Variants in HDAC6 observed in about 807,000 individuals in gnomAD.
HDAC6 encodes the protein histone deacetylase 6, also known as protein deacetylase HDAC6.
In HDAC6, 5 loss-of-function variants were observed where a neutral mutation model predicts 88.9. That is an observed-to-expected ratio of 0.06 (90% CI 0.03 to 0.12). The LOEUF (loss-of-function observed/expected upper bound fraction) is 0.12, where lower values mean the gene tolerates loss of function less well. Among genes scored for constraint, HDAC6 ranks in the 10% least tolerant of loss-of-function variants. The pLI, the probability that HDAC6 is intolerant of heterozygous loss-of-function variation, is 1.00. For missense variants in HDAC6, 706 were observed against 1,014.4 expected (o/e 0.70, Z 4.13); for synonymous variants, 378 against 398.0 (o/e 0.95, Z 0.60).
At chrX:48,809,325 T>A (rs1429067457) in intron 10 of HDAC6, among the ~76,000 whole-genome samples, 1 of 111,874 alleles carries the variant, frequency 8.9e-6, no homozygotes, top group Non-Finnish European at 1.9e-5. Context: ...GAGACATTAC[T>A]AAGTACATGT....
Position 48,805,498 on chromosome X carries a change from C to T in HDAC6, c.372C>T (p.Leu124=). Residue 124 remains leucine (L), a synonymous_variant, in exon 5 of 29, where the codon CTC becomes CTT. Coordinates refer to ENST00000334136, the MANE Select transcript of HDAC6 (RefSeq NM_006044.4). ...AGGAGCAACTGATCCAGGAGGGCCTCCTAGATCGCTGCGTGTCCTTTCAGG... is the reference window on the plus strand; with the variant it reads ...AGGAGCAACTGATCCAGGAGGGCCTTCTAGATCGCTGCGTGTCCTTTCAGG... ...AIKEQLIQEG[L]LDRCVSFQAR... is the part of the protein sequence containing the mutation. The T allele has an allele frequency of 1.7e-6, 2 of 1,209,845 alleles. No homozygotes were observed. The highest frequency in any genetic ancestry group is 2.2e-6 in the Non-Finnish European group (2 of 894,207).
chrX:48,802,216 G>C, intron 1 of HDAC6, 74 bp downstream of exon 1: 1 of 872,957 alleles, frequency 1.1e-6, no homozygotes, highest in South Asian at 2.9e-5. Flanking sequence ...GGTCGGGGCC[G>C]GGGCCGGCTG....
chrX:48,806,823 G>T (rs1436322697), intron 8 of HDAC6, 117 bp downstream of exon 8: 2 of 456,554 alleles, frequency 4.4e-6, no homozygotes, highest in Non-Finnish European at 7.1e-6. Context: ...GTAAAAAAGA[G>T]AATATAATTA....
At chrX:48,807,344 A>G (rs781875759) in intron 8 of HDAC6, among the ~76,000 whole-genome samples, 1 of 112,617 alleles carries the variant, frequency 8.9e-6, no homozygotes, top group South Asian at 3.6e-4. Flanking sequence ...GTTTTAAAAA[A>G]ATGCTACAGC....
intron 11 of HDAC6, 46 bp from the exon 12 acceptor site, chrX:48,814,629 C>T (rs1557026808): frequency 7.5e-6 from 9 of 1,203,483 alleles, no homozygotes; most frequent in Admixed American, 4.4e-5. Context: ...GTCAGCGGCT[C>T]GGGACAGGTG....
At chrX:48,806,525 C>A in intron 7 of HDAC6, 61 bp downstream of exon 7, 1 of 1,054,488 alleles carries the variant, frequency 9.5e-7, no homozygotes, top group Non-Finnish European at 1.3e-6. Context: ...CATCCCTATG[C>A]CCACCCCACC....
At position 48,816,373 on chromosome X, in the gene HDAC6, A is replaced by G. The variant is rs1489190674; in HGVS notation, c.1623-92A>G. On this transcript the variant is annotated intron_variant, in intron 18 of 28. Transcript: ENST00000334136. ...TCCTGGGGAGCTGCTGCAGGACTTG[A>G]GAGGGGCTGAAGTCCCTGTCTTAGG... 12 of 1,122,214 alleles carry G rather than the reference A, an allele frequency of 1.1e-5. No individual in the cohort carries two copies. In the African/African-American group the frequency reaches 2.2e-4, roughly 20 times the overall value. 92.5% of individuals were successfully genotyped at this position (1,122,214 alleles called of 1,213,427 possible). A position where few individuals can be genotyped will look rare whatever the true frequency, so the allele number is the denominator to read the frequency against.
chrX:48,813,028 C>T (rs1243560847), intron 10 of HDAC6, among the ~76,000 whole-genome samples: 1 of 111,943 alleles, frequency 8.9e-6, no homozygotes, highest in Non-Finnish European at 1.9e-5. Context: ...CTACCTCCAC[C>T]TCCCAAGTAG....
chrX:48,824,522 C>T, intron 28 of HDAC6, 22 bp from the exon 29 acceptor site: 1 of 1,192,055 alleles, frequency 8.4e-7, no homozygotes, highest in Non-Finnish European at 1.1e-6. Flanking sequence ...TCTCACCTGC[C>T]CTATTCTTGC....
Position 48,816,228 on chromosome X carries a change from A to G in HDAC6, c.1581A>G (p.Thr527=), listed in dbSNP as rs2062982710. 2 of 1,210,251 alleles carry G rather than the reference A, an allele frequency of 1.7e-6. No individual in the cohort carries two copies. Among genetic ancestry groups the G allele is most frequent in the South Asian group, 1.8e-5 (1 of 56,945 alleles). Residue 527 remains threonine (T), a synonymous_variant, in exon 18 of 29, where the codon ACA becomes ACG. Coordinates refer to ENST00000334136, the MANE Select transcript of HDAC6 (RefSeq NM_006044.4). ...TTGCCGGGCGCTGCCTCACCCTGAC[A>G]CCGCGCCCTGCCACAGAGGCTGAGC... ...LGLAGRCLTL[T]PRPATEAELL...
chrX:48,823,495 C>G lies in HDAC6; in HGVS notation c.3096C>G (p.Pro1032=). ...PLASSTDHQT[P]PTSPVQGTTP... is the part of the protein sequence containing the mutation. Reference sequence around the variant, plus strand: ...CCTCGAGCACAGACCACCAGACCCCCCCAACCTCACCTGTGCAGGGAACTA... The same window carrying G: ...CCTCGAGCACAGACCACCAGACCCCGCCAACCTCACCTGTGCAGGGAACTA... Residue 1032 remains proline (P), a synonymous_variant, in exon 25 of 29, where the codon CCC becomes CCG. Transcript: ENST00000334136. The G allele has an allele frequency of 1.7e-6, 2 of 1,210,577 alleles. No homozygotes were observed. The highest frequency in any genetic ancestry group is 2.2e-6 in the Non-Finnish European group (2 of 894,819).
Position 48,823,922 on chromosome X carries a change from G to A in HDAC6, c.3304G>A (p.Ala1102Thr), listed in dbSNP as rs1168878930. 2 of 1,207,106 alleles carry A rather than the reference G, an allele frequency of 1.7e-6. No homozygotes were observed. Among genetic ancestry groups the A allele is most frequent in the Admixed American group, 2.2e-5 (1 of 45,681 alleles). ...ACCTAGTTTCACCCACCCACTCCAG[G>A]CCATATTTTATGCTGTGACACCACT... ...MQGSRGLTDQ[A>T]IFYAVTPLPW... The change falls in exon 27 of 29, where the codon GCC (alanine) becomes ACC (threonine). Residue 1102 changes from alanine to threonine, a missense_variant and splice_region_variant. This residue lies in a region of HDAC6 where 112 missense variants were observed against 95.1 expected (regional missense o/e 1.18). Coordinates refer to ENST00000334136, the MANE Select transcript of HDAC6 (RefSeq NM_006044.4).
intron 8 of HDAC6, among the ~76,000 whole-genome samples, chrX:48,807,807 C>T (rs782161108): frequency 9.8e-5 from 11 of 112,297 alleles, no homozygotes; most frequent in Admixed American, 2.8e-4. Flanking sequence ...CCACCGCACC[C>T]GGCCTTTATC....
intron 4 of HDAC6, among the ~76,000 whole-genome samples, chrX:48,804,554 C>T (rs948354493): frequency 8.9e-6 from 1 of 112,340 alleles, no homozygotes; most frequent in African/African-American, 3.2e-5. Context: ...CAATTAATAT[C>T]TATATCCCTT....
chrX:48,819,972 G>C lies in HDAC6; in HGVS notation c.2188-134G>C, dbSNP rs781824701. On this transcript the variant is annotated intron_variant, in intron 22 of 28. Coordinates refer to ENST00000334136, the MANE Select transcript of HDAC6 (RefSeq NM_006044.4). ...TTGTGTCTCCTAGTCTCCAGGTTCTGTGTCTCCATCTCTCTGACTTGCATC... is the reference window on the plus strand; with the variant it reads ...TTGTGTCTCCTAGTCTCCAGGTTCTCTGTCTCCATCTCTCTGACTTGCATC... The C allele has an allele frequency of 4.9e-6, 3 of 618,151 alleles. No individual in the cohort carries two copies. In the East Asian group the frequency reaches 9.9e-5, roughly 20 times the overall value. 50.9% of individuals were successfully genotyped at this position (618,151 alleles called of 1,213,427 possible). A position where few individuals can be genotyped will look rare whatever the true frequency, so the allele number is the denominator to read the frequency against.
rs781786871 is a variant in HDAC6 at position 48,818,357 on chromosome X, G to A, written c.2132G>A (p.Gly711Asp). The part of the protein sequence containing the change: ...VNVAWNGPRM[G>D]DADYLAAWHR... ...GTGGCATGGAACGGGCCCCGCATGG[G>A]TGATGCTGACTACCTAGCTGCCTGG... Residue 711 changes from glycine to aspartate, a missense_variant, in exon 22 of 29, where the codon GGT (glycine) becomes GAT (aspartate). By Grantham distance (94) the Gly-to-Asp change is moderately conservative. Coordinates refer to ENST00000334136, the MANE Select transcript of HDAC6 (RefSeq NM_006044.4). The A allele has an allele frequency of 8.3e-7, 1 of 1,198,341 alleles. No homozygotes were observed. The highest frequency in any genetic ancestry group is 1.8e-5 in the South Asian group (1 of 54,269).
At chrX:48,817,878 C>T (rs1259349667) in intron 20 of HDAC6, 163 bp from the exon 21 acceptor site, 2 of 495,770 alleles carry the variant, frequency 4.0e-6, no homozygotes, top group African/African-American at 2.4e-5. Context: ...CTCAGGCCTA[C>T]CGGGCAGCCC....
chrX:48,802,056 G>C (rs782262355), upstream of HDAC6: 46 of 911,224 alleles, frequency 5.0e-5, no homozygotes, highest in East Asian at 8.1e-5. Context: ...GTCTGGGCAG[G>C]GGGTGGAGCT....
In HDAC6 at chrX:48,808,062, T is replaced by C. The variant is rs1557024914; in HGVS notation, c.662T>C (p.Leu221Pro). ...RPPGHHAQHS[L>P]MDGYCMFNHV... Reference sequence around the variant, plus strand: ...CCTGGACATCACGCCCAGCACAGTCTTATGGATGGCTATTGCATGTTCAAC... The same window carrying C: ...CCTGGACATCACGCCCAGCACAGTCCTATGGATGGCTATTGCATGTTCAAC... The change falls in exon 9 of 29, where the codon CTT becomes CCT. Residue 221 changes from leucine to proline, a missense_variant. Leu to Pro is a moderately conservative substitution (Grantham distance 98). Transcript: ENST00000334136. 1 of 1,207,793 alleles carries C rather than the reference T, an allele frequency of 8.3e-7. No homozygotes were observed. Among genetic ancestry groups the C allele is most frequent in the Non-Finnish European group, 1.1e-6 (1 of 893,129 alleles).
Sources: allele counts gnomAD v4.1 joint callset (sites outside exome capture counted in the v4.1 genomes callset), GRCh38; gene constraint gnomAD v4.1.1; regional missense constraint gnomAD v4.1.1; transcripts MANE v1.5; gene names NCBI Gene and HGNC (gene_info 2026-07-23, HGNC 2026-07-21).